The following NPAS1 variants were observed in gnomAD, a reference collection of about 807,000 sequenced individuals.
The protein encoded by NPAS1 is neuronal PAS domain protein 1.
NPAS1 carries 29 observed loss-of-function variants against 49.2 expected under a neutral mutation model. That is an observed-to-expected ratio of 0.59 (90% CI 0.44 to 0.80). The LOEUF (loss-of-function observed/expected upper bound fraction) is 0.80. Ranked by LOEUF, NPAS1 falls within the 30% of genes least tolerant of loss-of-function variation. The probability of loss-of-function intolerance (pLI) is 0.00; values close to 1 mark genes in which losing one functional copy is unlikely to be tolerated. For missense variants in NPAS1, 825 were observed against 835.5 expected (o/e 0.99, Z 0.15); for synonymous variants, 408 against 380.4 (o/e 1.07, Z -0.84).
At chr19:47,040,751 TG>T in intron 9 of NPAS1, 1 of 587,242 alleles carries the variant, frequency 1.7e-6, no homozygotes, top group Non-Finnish European at 3.0e-6. Flanking sequence ...GGGGGGGGTC[TG>T]GGGGGCTGTG....
chr19:47,040,707 GGAGACT>G (rs1394187530), intron 9 of NPAS1, 157 bp downstream of exon 9: 2 of 624,946 alleles, frequency 3.2e-6, no homozygotes, highest in Non-Finnish European at 5.7e-6. Flanking sequence ...AGAGCAGCAA[GGAGACT>G]GAGTGATGCC....
chr19:47,036,260 A>C (rs985898255), intron 6 of NPAS1, 131 bp downstream of exon 6: 1 of 996,706 alleles, frequency 1.0e-6, no homozygotes, highest in South Asian at 1.5e-5. Context: ...ATCTTTGCAA[A>C]AGGAATCGGA....
rs372241610 is a variant in NPAS1 at position 47,028,925 on chromosome 19, G to A, written c.359-3353G>A. Reference sequence around the variant, plus strand: ...GCCTACCCCCAGCACAAGGTCCAGGGTCCTAGCTCCTGACTGTAGGGAGGA... The same window carrying A: ...GCCTACCCCCAGCACAAGGTCCAGGATCCTAGCTCCTGACTGTAGGGAGGA... On this transcript the variant is annotated intron_variant, in intron 3 of 11. Transcript: ENST00000602212. Among the ~76,000 whole-genome samples, 158 of 152,216 alleles carry A rather than the reference G, an allele frequency of 1.0e-3. 2 individuals are homozygous for A. Among genetic ancestry groups the A allele is most frequent in the South Asian group, 3.9e-3 (19 of 4,826 alleles).
At chr19:47,040,737 G>GT (rs931081724) in intron 9 of NPAS1, 187 bp downstream of exon 9, 24 of 592,610 alleles carry the variant, frequency 4.0e-5, no homozygotes, top group African/African-American at 3.3e-4. Flanking sequence ...GGATGTGTGT[G>GT]TGGGGGGGGG....
rs1397375352 is a variant in NPAS1 at position 47,032,624 on chromosome 19, C to G, written c.433-19C>G. ...CACCGGGTCCTCTCCTTCCCCCTCC[C>G]TGTCTCTCCCGGCTCTAGTCCCTGG... On this transcript the variant is annotated intron_variant, in intron 4 of 11. Coordinates refer to ENST00000602212, the MANE Select transcript of NPAS1 (RefSeq NM_002517.4). The G allele has an allele frequency of 3.1e-6, 5 of 1,609,886 alleles. No individual in the cohort carries two copies. The Admixed American group carries it at 6.7e-5, about 21-fold the overall frequency.
In NPAS1 at chr19:47,045,073, AAAAC is replaced by A. The variant is rs1329873363; in HGVS notation, c.1313-117_1313-114del. ...AAAACAAAACAAACAAACAAAAAAA[AAAAC>A]CCCACTCCCAGCTGAGAACTACAGG... On this transcript the variant is annotated intron_variant, in intron 11 of 11. Coordinates refer to ENST00000602212, the MANE Select transcript of NPAS1 (RefSeq NM_002517.4). The A allele has an allele frequency of 2.0e-5, 19 of 957,822 alleles. No individual in the cohort carries two copies. In the African/African-American group the frequency reaches 2.8e-4, roughly 14 times the overall value. 59.3% of individuals were successfully genotyped at this position (957,822 alleles called of 1,614,324 possible).
In NPAS1 at chr19:47,042,899, C is replaced by T; in HGVS notation, c.1307C>T (p.Pro436Leu). ...CEEASSPGPEPTEPEPPTEGK... is the reference protein window; with the variant it reads ...CEEASSPGPELTEPEPPTEGK... ...GAGGCATCCAGCCCGGGGCCAGAGC[C>T]CACAGGTGAGCCCCACCTCCCACCT... is the stretch of plus-strand genomic sequence containing the variant. The change falls in exon 11 of 12, where the codon CCC (proline) becomes CTC (leucine). Residue 436 changes from proline (P) to leucine (L), a missense_variant. Transcript: ENST00000602212. 1 of 1,594,410 alleles carries T rather than the reference C, an allele frequency of 6.3e-7. No homozygotes were observed. Among genetic ancestry groups the T allele is most frequent in the Non-Finnish European group, 8.5e-7 (1 of 1,170,766 alleles).
At position 47,021,095 on chromosome 19, in the gene NPAS1, C is replaced by T; in HGVS notation, c.48C>T (p.Cys16=). 1 of 1,603,738 alleles carries T rather than the reference C, an allele frequency of 6.2e-7. No individual in the cohort carries two copies. The highest frequency in any genetic ancestry group is 2.3e-5 in the East Asian group (1 of 43,596). The change falls in exon 2 of 12, where the codon TGC becomes TGT. Residue 16 remains cysteine, a synonymous_variant. Transcript: ENST00000602212. This position sits in a 1 kb window ranked among gnomAD's most constrained non-coding sequence, Gnocchi z 5.7. ...GTGGCGGCGGAAGCGAGGTCAAATGCGTGGGAGGCCGCGGCGCCAGCGTCC... is the reference window on the plus strand; with the variant it reads ...GTGGCGGCGGAAGCGAGGTCAAATGTGTGGGAGGCCGCGGCGCCAGCGTCC... ...PGSGGGSEVK[C]VGGRGASVPW... is the part of the protein sequence containing the mutation.
chr19:47,031,703 G>A (rs2056907103), intron 3 of NPAS1, among the ~76,000 whole-genome samples: 2 of 151,100 alleles, frequency 1.3e-5, no homozygotes, highest in South Asian at 2.1e-4. Context: ...GCTAATTTTT[G>A]TATTTTCAGT....
At chr19:47,023,053 G>C (rs1476052099) in intron 3 of NPAS1, among the ~76,000 whole-genome samples, 2 of 152,208 alleles carry the variant, frequency 1.3e-5, no homozygotes, top group Non-Finnish European at 2.9e-5. Context: ...CTCCTGCCCC[G>C]TCCCAGGGGA....
At position 47,039,556 on chromosome 19, in the gene NPAS1, T is replaced by C. The variant is rs776974053; in HGVS notation, c.954T>C (p.Cys318=). 6.4e-7 allele frequency: 1 copy of C among 1,570,016 alleles called. No homozygotes were observed. Among genetic ancestry groups the C allele is most frequent in the South Asian group, 1.2e-5 (1 of 85,782 alleles). The change falls in exon 8 of 12, where the codon TGT becomes TGC. Residue 318 remains cysteine (C), a synonymous_variant. Coordinates refer to ENST00000602212, the MANE Select transcript of NPAS1 (RefSeq NM_002517.4). ...RLSLGLTILA[C]ESRVSDHMDL... ...GCCTGGGTCTCACCATCCTTGCTTG[T>C]GAGAGCAGGTACCGGGGTTGGGGGC...
intron 11 of NPAS1, among the ~76,000 whole-genome samples, 160 bp from the exon 12 acceptor site, chr19:47,045,031 C>A (rs12463067): frequency 0.86 from 130,172 of 150,526 alleles, 56,207 homozygotes; most frequent in East Asian, 0.97. Context: ...CTCCGTCTCA[C>A]AAAAAAACAA....
chr19:47,041,996 A>G (rs868752181), intron 10 of NPAS1, among the ~76,000 whole-genome samples: 133 of 60,188 alleles, frequency 2.2e-3, no homozygotes, highest in Middle Eastern at 0.01. Flanking sequence ...AAAAAAAAAA[A>G]AAAAAAAAAA....
At chr19:47,035,219 A>AAGAAGAAGG (rs747972677) in intron 5 of NPAS1, 4 of 149,306 alleles carry the variant, frequency 2.7e-5, no homozygotes, top group African/African-American at 9.9e-5. Context: ...GAAGAAGAAG[A>AAGAAGAAGG]AGGAAAGGCT....
intron 1 of NPAS1, among the ~76,000 whole-genome samples, chr19:47,020,494 G>A (rs1454104992): frequency 2.0e-5 from 3 of 151,974 alleles, no homozygotes; most frequent in Non-Finnish European, 4.4e-5. Context: ...GCAGGACACA[G>A]GATGGGGGTC....
intron 6 of NPAS1, among the ~76,000 whole-genome samples, chr19:47,038,189 A>G (rs2056978635): frequency 6.6e-6 from 1 of 152,170 alleles, no homozygotes; most frequent in South Asian, 2.1e-4. Flanking sequence ...GCAGGTTCAG[A>G]GCAGGGGAGG....
intron 6 of NPAS1, among the ~76,000 whole-genome samples, chr19:47,037,644 T>C (rs759833449): frequency 1.3e-5 from 2 of 152,142 alleles, no homozygotes; most frequent in Non-Finnish European, 2.9e-5. Context: ...GTTGGGGGCC[T>C]ATGAGGCTAA....
chr19:47,042,981 A>C, intron 11 of NPAS1, 77 bp downstream of exon 11: 1 of 1,122,256 alleles, frequency 8.9e-7, no homozygotes, highest in Middle Eastern at 2.1e-4. Context: ...TCCAGAAGCC[A>C]CTAGCCACAT....
At chr19:47,032,481 C>G in intron 4 of NPAS1, 130 bp downstream of exon 4, 1 of 1,109,140 alleles carries the variant, frequency 9.0e-7, no homozygotes. Flanking sequence ...TGCTCAAGAT[C>G]CCTCCACTCC....
Sources: allele counts gnomAD v4.1 joint callset (sites outside exome capture counted in the v4.1 genomes callset), GRCh38; gene constraint gnomAD v4.1.1; non-coding constraint Gnocchi (gnomAD v3.1); transcripts MANE v1.5; gene names NCBI Gene and HGNC (gene_info 2026-07-23, HGNC 2026-07-21).